SPAG16: variants seen among roughly 807,000 people sequenced by gnomAD.
SPAG16 encodes sperm-associated antigen 16 protein.
SPAG16 carries 86 observed loss-of-function variants against 80.4 expected under a neutral mutation model. The ratio of observed to expected loss-of-function variants is 1.07; its 90% CI spans 0.90 to 1.28. The LOEUF (loss-of-function observed/expected upper bound fraction) is 1.28, where lower values mean the gene tolerates loss of function less well. SPAG16 is among the 50% of genes most tolerant of loss of function. SPAG16 has a pLI of 0.00. For synonymous variants in SPAG16, 294 were observed against 265.9 expected (o/e 1.11, Z -1.03); for missense variants, 870 against 765.3 (o/e 1.14, Z -1.61).
At chr2:214,267,666 A>G (rs976087483) in intron 15 of SPAG16, among the ~76,000 whole-genome samples, 1 of 151,912 alleles carries the variant, frequency 6.6e-6, no homozygotes, top group Non-Finnish European at 1.5e-5. Context: ...AAATGGAAAG[A>G]TATCCCACAA....
At chr2:214,282,759 A>G (rs1364552880) in intron 15 of SPAG16, among the ~76,000 whole-genome samples, 1 of 152,204 alleles carries the variant, frequency 6.6e-6, no homozygotes, top group Non-Finnish European at 1.5e-5. Flanking sequence ...TGGCTAACTT[A>G]GGATATGAGG....
intron 13 of SPAG16, among the ~76,000 whole-genome samples, chr2:214,084,053 A>G (rs2051559159): frequency 6.6e-6 from 1 of 151,968 alleles, no homozygotes; most frequent in African/African-American, 2.4e-5. Context: ...TGAGAAAACC[A>G]TATAACATTT....
At chr2:214,083,955 A>G (rs16851426) in intron 13 of SPAG16, among the ~76,000 whole-genome samples, 13,620 of 151,882 alleles carry the variant, frequency 0.09, 789 homozygotes, top group East Asian at 0.29. Flanking sequence ...TCCTCATAGC[A>G]ATTCCTACCT....
intron 14 of SPAG16, among the ~76,000 whole-genome samples, chr2:214,144,002 T>A (rs1319160630): frequency 6.6e-6 from 1 of 151,898 alleles, no homozygotes; most frequent in Non-Finnish European, 1.5e-5. Context: ...TAAAAAAAAT[T>A]TAAAAATTAG....
chr2:213,657,897 C>T (rs1268724516), intron 10 of SPAG16, among the ~76,000 whole-genome samples: 8 of 152,140 alleles, frequency 5.3e-5, no homozygotes, highest in Non-Finnish European at 1.2e-4. Flanking sequence ...GAGAATGAGT[C>T]TTTCTACCTG....
At chr2:214,269,435 G>C (rs115991929) in intron 15 of SPAG16, among the ~76,000 whole-genome samples, 2,300 of 152,064 alleles carry the variant, frequency 0.015, 35 homozygotes, top group African/African-American at 0.033. Flanking sequence ...ATAGAATTGT[G>C]TGTGCACACT....
At chr2:214,144,976 T>G (rs931139745) in intron 14 of SPAG16, among the ~76,000 whole-genome samples, 9 of 152,106 alleles carry the variant, frequency 5.9e-5, no homozygotes, top group African/African-American at 2.2e-4. Context: ...ATATAATATT[T>G]CTTAACCTGA....
chr2:214,013,381 A>C (rs899418383), intron 12 of SPAG16, among the ~76,000 whole-genome samples: 5 of 152,096 alleles, frequency 3.3e-5, no homozygotes, highest in Admixed American at 6.6e-5. Flanking sequence ...TGTAATATAC[A>C]ATATTTTAAT....
At chr2:214,001,755 T>G (rs1019654899) in intron 12 of SPAG16, among the ~76,000 whole-genome samples, 2 of 152,224 alleles carry the variant, frequency 1.3e-5, no homozygotes, top group Non-Finnish European at 1.5e-5. Flanking sequence ...ACTCTTATTT[T>G]ACTTTACACT....
At position 214,081,154 on chromosome 2, in the gene SPAG16, T is replaced by G. The variant is rs189150197; in HGVS notation, c.1528-27042T>G. The stretch of plus-strand genomic sequence containing the variant: ...TTTAACATATATATATGCTATCCAA[T>G]TATCTCTTTTGCTTCACTGAAAACC... On this transcript the variant is annotated intron_variant, in intron 13 of 15. Transcript: ENST00000331683. Among the ~76,000 whole-genome samples the G allele has an allele frequency of 1.1e-4, 16 of 151,816 alleles. 1 individual carries two copies. The highest frequency in any genetic ancestry group is 8.3e-4 in the South Asian group (4 of 4,828).
chr2:214,050,845 T>TA (rs941383970), intron 13 of SPAG16, among the ~76,000 whole-genome samples: 15 of 152,090 alleles, frequency 9.9e-5, no homozygotes, highest in South Asian at 6.2e-4. Flanking sequence ...TCAGCTTTTG[T>TA]AAAAAAAGAT....
At chr2:213,724,581 C>A (rs1401519383) in intron 10 of SPAG16, among the ~76,000 whole-genome samples, 2 of 151,260 alleles carry the variant, frequency 1.3e-5, no homozygotes, top group African/African-American at 2.4e-5. Context: ...AGTTCGAGAC[C>A]ATCCTGGCCA....
At chr2:213,907,052 C>G (rs898066806) in intron 11 of SPAG16, among the ~76,000 whole-genome samples, 1 of 152,072 alleles carries the variant, frequency 6.6e-6, no homozygotes, top group Non-Finnish European at 1.5e-5. Context: ...GCAAAGGAAA[C>G]AATCAACAGA....
At chr2:213,800,763 A>T (rs780436592) in intron 10 of SPAG16, among the ~76,000 whole-genome samples, 3 of 152,338 alleles carry the variant, frequency 2.0e-5, no homozygotes, top group Admixed American at 6.5e-5. Context: ...CCAAATTTGT[A>T]GTGATGCTTT....
intron 12 of SPAG16, among the ~76,000 whole-genome samples, chr2:213,973,296 C>T (rs12479303): frequency 0.16 from 23,642 of 151,842 alleles, 2,244 homozygotes; most frequent in African/African-American, 0.27. Flanking sequence ...AGTTGTGTGT[C>T]TTAATGGTAA....
chr2:213,577,765 A>C (rs1302587867), intron 10 of SPAG16, among the ~76,000 whole-genome samples: 2 of 152,174 alleles, frequency 1.3e-5, no homozygotes, highest in Non-Finnish European at 2.9e-5. Flanking sequence ...TTGAGAATGC[A>C]ACATGTTGCA....
intron 10 of SPAG16, among the ~76,000 whole-genome samples, chr2:213,563,603 A>G (rs2059664603): frequency 1.3e-5 from 2 of 152,208 alleles, no homozygotes; most frequent in South Asian, 4.1e-4. Flanking sequence ...CTATTGGTTC[A>G]GGACCCCATC....
At chr2:213,977,297 C>T (rs923996956) in intron 12 of SPAG16, among the ~76,000 whole-genome samples, 1 of 152,010 alleles carries the variant, frequency 6.6e-6, no homozygotes, top group Admixed American at 6.6e-5. Flanking sequence ...GCTTGAGGTT[C>T]ATATGCTGTT....
At chr2:213,575,808 C>A (rs904560448) in intron 10 of SPAG16, among the ~76,000 whole-genome samples, 18 of 152,092 alleles carry the variant, frequency 1.2e-4, no homozygotes, top group Non-Finnish European at 2.5e-4. Flanking sequence ...AGAAATGTAT[C>A]CATTTTACCA....
Sources: allele counts gnomAD v4.1 joint callset (sites outside exome capture counted in the v4.1 genomes callset), GRCh38; gene constraint gnomAD v4.1.1; transcripts MANE v1.5; gene names NCBI Gene and HGNC (gene_info 2026-07-23, HGNC 2026-07-21).